ATAD2B: variants seen among roughly 807,000 people sequenced by gnomAD.
The protein encoded by ATAD2B is ATPase family AAA domain-containing protein 2B.
ATAD2B carries 40 observed loss-of-function variants against 167.6 expected under a neutral mutation model. The ratio of observed to expected loss-of-function variants is 0.24; its 90% CI spans 0.19 to 0.31. The LOEUF is 0.31. ATAD2B is among the 10% of genes least tolerant of loss of function. ATAD2B has a pLI of 1.00. For missense variants in ATAD2B, 1,242 were observed against 1,757.2 expected, an observed-to-expected ratio of 0.71 and a Z score of 5.24; for synonymous variants, 579 against 596.5, an observed-to-expected ratio of 0.97 and a Z score of 0.43.
chr2:23,689,133 C>G, the ATAD2B span: 1 of 152,438 alleles, frequency 6.6e-6, no homozygotes, highest in East Asian at 1.9e-4. Context: ...TCTTTGAACT[C>G]AGATTCTGAA....
At chr2:23,796,401 G>T (rs1355069986) in intron 19 of ATAD2B, among the ~76,000 whole-genome samples, 1 of 152,150 alleles carries the variant, frequency 6.6e-6, no homozygotes, top group Non-Finnish European at 1.5e-5. Flanking sequence ...CATTGGAAAT[G>T]TACATGATAT....
At chr2:23,789,689 C>T (rs983238188) in intron 19 of ATAD2B, among the ~76,000 whole-genome samples, 1 of 152,150 alleles carries the variant, frequency 6.6e-6, no homozygotes, top group Non-Finnish European at 1.5e-5. Context: ...TTGAATAATT[C>T]ATTCAGTTTG....
intron 22 of ATAD2B, among the ~76,000 whole-genome samples, chr2:23,777,846 T>TTGTTCCCATCATTTAATTTC (rs1175232332): frequency 6.6e-6 from 1 of 152,236 alleles, no homozygotes; most frequent in Non-Finnish European, 1.5e-5. Context: ...CAATTTCTTC[T>TTGTTCCCATCATTTAATTTC]TGTTCCCATC....
At chr2:23,754,422 T>A (rs113299004) in intron 26 of ATAD2B, 115 bp from the exon 27 acceptor site, 1 of 1,234,470 alleles carries the variant, frequency 8.1e-7, no homozygotes, top group African/African-American at 1.5e-5. Context: ...ACAGTGAACA[T>A]GAAATTAAAA....
chr2:23,829,688 G>A lies in ATAD2B; in HGVS notation c.1729-749C>T, dbSNP rs116743557. 2.1e-3 allele frequency among the ~76,000 whole-genome samples: 320 copies of A among 152,250 alleles called. 2 individuals are homozygous for A. The highest frequency in any genetic ancestry group is 8.7e-3 in the East Asian group (45 of 5,182). The stretch of plus-strand genomic sequence containing the variant: ...GAGGATCACTTGAGCCTGAGAGGTC[G>A]AGGCCTGCAGTGTGCTGTGATTACG... On this transcript the variant is annotated intron_variant, in intron 14 of 27. Coordinates refer to ENST00000238789, the MANE Select transcript of ATAD2B (RefSeq NM_017552.4).
chr2:23,865,659 A>C (rs1230965877), intron 10 of ATAD2B, among the ~76,000 whole-genome samples: 1 of 152,196 alleles, frequency 6.6e-6, no homozygotes, highest in Admixed American at 6.5e-5. Flanking sequence ...AAAAAATCTT[A>C]GCTATTTACA....
the ATAD2B span, among the ~76,000 whole-genome samples, chr2:23,737,110 C>T: frequency 1.1e-4 from 17 of 152,230 alleles, no homozygotes; most frequent in Admixed American, 1.1e-3. Context: ...CTGTAGGCTC[C>T]ACCTCTGGGG....
At chr2:23,844,015 C>T (rs549146933) in intron 13 of ATAD2B, among the ~76,000 whole-genome samples, 6 of 152,160 alleles carry the variant, frequency 3.9e-5, no homozygotes, top group Admixed American at 2.0e-4. Flanking sequence ...CTCAGCTCAC[C>T]GCAACCTCCA....
intron 6 of ATAD2B, 68 bp from the exon 7 acceptor site, chr2:23,880,823 A>G: frequency 1.1e-6 from 1 of 895,040 alleles, no homozygotes; most frequent in Non-Finnish European, 1.7e-6. Flanking sequence ...GGTCTACTCT[A>G]GAACTGAATA....
chr2:23,867,561 A>G (rs1029299847), intron 10 of ATAD2B, among the ~76,000 whole-genome samples: 5 of 152,146 alleles, frequency 3.3e-5, no homozygotes, highest in African/African-American at 1.2e-4. Flanking sequence ...GGCAATTTCA[A>G]CAACAGCCCA....
At chr2:23,779,023 G>A (rs986602938) in intron 22 of ATAD2B, among the ~76,000 whole-genome samples, 3 of 152,144 alleles carry the variant, frequency 2.0e-5, no homozygotes, top group Non-Finnish European at 4.4e-5. Flanking sequence ...CAAGGGAAGG[G>A]AGTGAAATGG....
chr2:23,678,751 A>G, the ATAD2B span, among the ~76,000 whole-genome samples: 2 of 152,382 alleles, frequency 1.3e-5, no homozygotes, highest in South Asian at 4.1e-4. Flanking sequence ...GGAAATCCTG[A>G]TGCATGCTAC....
At chr2:23,892,962 T>C (rs1699744595) in intron 2 of ATAD2B, among the ~76,000 whole-genome samples, 1 of 152,206 alleles carries the variant, frequency 6.6e-6, no homozygotes, top group African/African-American at 2.4e-5. Flanking sequence ...AGTATGTATA[T>C]TTGGGAATTT....
chr2:23,807,903 T>C (rs1284215959), intron 18 of ATAD2B, among the ~76,000 whole-genome samples: 1 of 119,944 alleles, frequency 8.3e-6, no homozygotes, highest in South Asian at 2.4e-4. Context: ...TAATAAAATA[T>C]ATAAATATAA....
At chr2:23,814,301 C>A (rs1365347154) in intron 17 of ATAD2B, among the ~76,000 whole-genome samples, 2 of 152,134 alleles carry the variant, frequency 1.3e-5, no homozygotes, top group African/African-American at 4.8e-5. Context: ...GCCTCCTATG[C>A]TGAATGCCTT....
intron 12 of ATAD2B, among the ~76,000 whole-genome samples, chr2:23,860,950 G>A (rs1193628005): frequency 6.6e-6 from 1 of 152,010 alleles, no homozygotes; most frequent in Non-Finnish European, 1.5e-5. Flanking sequence ...CAGCCCGGGC[G>A]ACAAAAGCGA....
the ATAD2B span, among the ~76,000 whole-genome samples, chr2:23,698,138 T>TG: frequency 2.6e-5 from 4 of 152,320 alleles, no homozygotes; most frequent in African/African-American, 7.2e-5. Context: ...GGGCCTTCCC[T>TG]GGGGGGCAAG....
chr2:23,837,549 C>T (rs1288178584), intron 13 of ATAD2B, among the ~76,000 whole-genome samples: 1 of 152,232 alleles, frequency 6.6e-6, no homozygotes, highest in Non-Finnish European at 1.5e-5. Context: ...TCCCACTTGT[C>T]CCCAGTTTCC....
chr2:23,799,478 C>A (rs1683120687), intron 18 of ATAD2B, among the ~76,000 whole-genome samples: 1 of 140,384 alleles, frequency 7.1e-6, no homozygotes, highest in African/African-American at 2.6e-5. Flanking sequence ...GAGACTGAGG[C>A]AGGAGAATCA....
Sources: gnomAD v4.1 joint callset for allele counts (sites outside exome capture counted in the v4.1 genomes callset) on GRCh38, gnomAD v4.1.1 for gene constraint, MANE v1.5 for transcripts, NCBI Gene and HGNC (gene_info 2026-07-23, HGNC 2026-07-21) for gene names.